Variants in PTP4A1 observed in about 807,000 individuals in gnomAD.
PTP4A1 encodes protein tyrosine phosphatase 4A1.
PTP4A1 carries 9 observed loss-of-function variants against 20.5 expected under a neutral mutation model. That is an observed-to-expected ratio of 0.44 (90% CI 0.26 to 0.77). The LOEUF is 0.77. Among genes scored for constraint, PTP4A1 ranks in the 30% least tolerant of loss-of-function variants. The probability of loss-of-function intolerance (pLI) is 0.19; values close to 1 mark genes in which losing one functional copy is unlikely to be tolerated. For synonymous variants in PTP4A1, 78 were observed against 67.4 expected, an observed-to-expected ratio of 1.16 and a Z score of -0.77; for missense variants, 137 against 218.8, an observed-to-expected ratio of 0.63 and a Z score of 2.36.
chr6:63,555,439 CA>C (rs1236932142), intron 3 of PTP4A1, among the ~76,000 whole-genome samples: 1 of 152,194 alleles, frequency 6.6e-6, no homozygotes, highest in Non-Finnish European at 1.5e-5. Context: ...TCCCTTTCTC[CA>C]GTGTCTTCAG....
At chr6:63,534,520 TAC>T (rs1416137875) in intron 2 of PTP4A1, among the ~76,000 whole-genome samples, 2 of 151,330 alleles carry the variant, frequency 1.3e-5, no homozygotes, top group East Asian at 3.9e-4. Context: ...ATGCAGTACT[TAC>T]AAAACATTTA....
intron 2 of PTP4A1, among the ~76,000 whole-genome samples, chr6:63,539,223 A>T (rs1775847913): frequency 6.6e-6 from 1 of 152,160 alleles, no homozygotes; most frequent in Admixed American, 6.6e-5. Flanking sequence ...ATAATGAATA[A>T]ATTCTAACCT....
At chr6:63,549,172 T>C in intron 2 of PTP4A1, 1 of 685,064 alleles carries the variant, frequency 1.5e-6, no homozygotes, top group East Asian at 2.6e-5. Context: ...GCCAACAGCC[T>C]CTGTTTCTTC....
chr6:63,536,508 T>A (rs1186350521), intron 2 of PTP4A1, among the ~76,000 whole-genome samples: 2 of 152,204 alleles, frequency 1.3e-5, no homozygotes, highest in Non-Finnish European at 2.9e-5. Flanking sequence ...AAAACAGTGG[T>A]ATTCAAAAAC....
intron 2 of PTP4A1, among the ~76,000 whole-genome samples, chr6:63,536,449 C>T (rs1775732440): frequency 6.6e-6 from 1 of 152,172 alleles, no homozygotes; most frequent in African/African-American, 2.4e-5. Flanking sequence ...AAGGATATCC[C>T]ATTAATTTCC....
At chr6:63,562,155 T>A (rs1345989263) in intron 3 of PTP4A1, among the ~76,000 whole-genome samples, 2 of 152,116 alleles carry the variant, frequency 1.3e-5, no homozygotes, top group Admixed American at 6.5e-5. Context: ...TTATTTAACA[T>A]TACAATTATT....
chr6:63,548,829 T>A (rs77094836), intron 2 of PTP4A1: 4 of 751,668 alleles, frequency 5.3e-6, no homozygotes, highest in Non-Finnish European at 9.7e-6. Context: ...GTATCTGTCA[T>A]TGTAGTCAGT....
intron 3 of PTP4A1, among the ~76,000 whole-genome samples, chr6:63,555,493 G>A (rs1407810521): frequency 6.6e-6 from 1 of 152,166 alleles, no homozygotes; most frequent in African/African-American, 2.4e-5. Context: ...GTTACCAGAA[G>A]TATTACTACT....
At chr6:63,526,855 T>A (rs1416707593) in intron 1 of PTP4A1, among the ~76,000 whole-genome samples, 1 of 143,544 alleles carries the variant, frequency 7.0e-6, no homozygotes, top group East Asian at 2.0e-4. Flanking sequence ...TTATTCTTCT[T>A]AAGGGCTTCC....
At chr6:63,541,519 C>A (rs2800037) in intron 2 of PTP4A1, among the ~76,000 whole-genome samples, 80 of 152,292 alleles carry the variant, frequency 5.3e-4, no homozygotes, top group African/African-American at 1.8e-3. Context: ...CGCCATTGCA[C>A]TCCAGCCTGG....
At chr6:63,578,262 A>T (rs1054324586) in intron 2 of PTP4A1, among the ~76,000 whole-genome samples, 175 bp from the exon 3 acceptor site, 4 of 152,220 alleles carry the variant, frequency 2.6e-5, no homozygotes, top group Non-Finnish European at 4.4e-5. Context: ...ATATTCTAGC[A>T]TTGTCACTTA....
chr6:63,544,451 C>T (rs1776102252), intron 2 of PTP4A1, among the ~76,000 whole-genome samples: 1 of 152,060 alleles, frequency 6.6e-6, no homozygotes, highest in Non-Finnish European at 1.5e-5. Flanking sequence ...TACATAACTG[C>T]AGCACAATTA....
intron 2 of PTP4A1, among the ~76,000 whole-genome samples, chr6:63,534,595 G>A (rs554359618): frequency 1.3e-5 from 2 of 152,002 alleles, no homozygotes; most frequent in African/African-American, 4.8e-5. Flanking sequence ...CTAGAGAATT[G>A]CTTGAGCCCA....
At chr6:63,575,992 G>A (rs766969441) in intron 1 of PTP4A1, among the ~76,000 whole-genome samples, 6 of 151,694 alleles carry the variant, frequency 4.0e-5, no homozygotes, top group African/African-American at 4.8e-5. Context: ...GTGTAAAAAT[G>A]TTTTTGTTAG....
At chr6:63,557,952 C>G (rs539523388) in intron 3 of PTP4A1, among the ~76,000 whole-genome samples, 48 of 151,268 alleles carry the variant, frequency 3.2e-4, no homozygotes, top group Non-Finnish European at 6.0e-4. Flanking sequence ...TGCAGGGGTG[C>G]GATCTCGGCT....
chr6:63,517,464 TATGCACACATG>T (rs1774769386), upstream of PTP4A1, among the ~76,000 whole-genome samples: 1 of 152,164 alleles, frequency 6.6e-6, no homozygotes, highest in Non-Finnish European at 1.5e-5. Flanking sequence ...AAAATAAAGG[TATGCACACATG>T]ATGCCCCGTA....
At chr6:63,517,415 T>C (rs1440131663), upstream of PTP4A1, among the ~76,000 whole-genome samples, 1 of 152,194 alleles carries the variant, frequency 6.6e-6, no homozygotes, top group East Asian at 1.9e-4. Flanking sequence ...ATGTTCTTAG[T>C]CTGAAGGACT....
chr6:63,554,844 T>G (rs563614229), intron 3 of PTP4A1, among the ~76,000 whole-genome samples: 1 of 152,298 alleles, frequency 6.6e-6, no homozygotes, highest in Non-Finnish European at 1.5e-5. Flanking sequence ...GGGTCACTTT[T>G]GGGGACAATC....
chr6:63,559,437 AT>A (rs1371262309), intron 3 of PTP4A1, among the ~76,000 whole-genome samples: 1 of 152,160 alleles, frequency 6.6e-6, no homozygotes, highest in South Asian at 2.1e-4. Flanking sequence ...AGCAAAAAAA[AT>A]CATTTGGTTT....
Sources: allele counts gnomAD v4.1 joint callset (sites outside exome capture counted in the v4.1 genomes callset), GRCh38; gene constraint gnomAD v4.1.1; transcripts MANE v1.5; gene names NCBI Gene and HGNC (gene_info 2026-07-23, HGNC 2026-07-21).